GRAMD1C: variants seen among roughly 807,000 people sequenced by gnomAD.
GRAMD1C encodes the protein GRAM domain containing 1C.
Under a neutral mutation model 97.8 loss-of-function variants are expected in GRAMD1C, and 89 were observed. That is an observed-to-expected ratio of 0.91 (90% CI 0.77 to 1.09). GRAMD1C has a LOEUF of 1.09. Ranked by LOEUF, GRAMD1C falls within the 50% of genes least tolerant of loss-of-function variation. The probability of loss-of-function intolerance (pLI) is 0.00; values close to 1 mark genes in which losing one functional copy is unlikely to be tolerated. For synonymous variants in GRAMD1C, 256 were observed against 267.0 expected, an observed-to-expected ratio of 0.96 and a Z score of 0.40; for missense variants, 740 against 766.4, an observed-to-expected ratio of 0.97 and a Z score of 0.41.
At chr3:113,841,161 C>T (rs1036698554) in intron 1 of GRAMD1C, among the ~76,000 whole-genome samples, 55 of 151,926 alleles carry the variant, frequency 3.6e-4, no homozygotes, top group Admixed American at 3.5e-3. Flanking sequence ...ATGACATCAT[C>T]GAGGATGCAG....
At chr3:113,942,529 C>G (rs1338057144) in intron 17 of GRAMD1C, among the ~76,000 whole-genome samples, 1 of 152,150 alleles carries the variant, frequency 6.6e-6, no homozygotes, top group Non-Finnish European at 1.5e-5. Context: ...ACAGAGAAGA[C>G]TCCTCCAGTC....
chr3:113,849,313 T>TA (rs1225457938), intron 2 of GRAMD1C, among the ~76,000 whole-genome samples: 6 of 151,018 alleles, frequency 4.0e-5, no homozygotes, highest in Non-Finnish European at 8.9e-5. Flanking sequence ...ATTTATTTTT[T>TA]ATTGATCATT....
upstream of GRAMD1C, among the ~76,000 whole-genome samples, chr3:113,837,448 T>C (rs965811756): frequency 3.3e-5 from 5 of 152,204 alleles, no homozygotes; most frequent in African/African-American, 4.8e-5. Flanking sequence ...TGCTTTTATA[T>C]ATTTTGGGCA....
chr3:113,916,987 T>C (rs991860604), intron 10 of GRAMD1C, among the ~76,000 whole-genome samples: 2 of 151,826 alleles, frequency 1.3e-5, no homozygotes, highest in African/African-American at 4.8e-5. Context: ...AATACAAAAA[T>C]TAGCTGGGCA....
intron 3 of GRAMD1C, among the ~76,000 whole-genome samples, chr3:113,870,385 A>C (rs902464911): frequency 6.6e-6 from 1 of 151,956 alleles, no homozygotes; most frequent in Admixed American, 6.6e-5. Context: ...CGCTCAAAAA[A>C]AAAAAGAGAG....
intron 10 of GRAMD1C, among the ~76,000 whole-genome samples, chr3:113,928,243 A>C (rs1937297016): frequency 6.6e-6 from 1 of 152,154 alleles, no homozygotes. Context: ...GTCAGTGTTC[A>C]TCAACCCTGT....
At chr3:113,839,489 A>G (rs1190412980) in intron 1 of GRAMD1C, among the ~76,000 whole-genome samples, 2 of 152,102 alleles carry the variant, frequency 1.3e-5, no homozygotes, top group Non-Finnish European at 2.9e-5. Flanking sequence ...CTCCTTCTAC[A>G]TTGGTTTGTG....
intron 6 of GRAMD1C, among the ~76,000 whole-genome samples, chr3:113,900,085 A>G (rs1936105226): frequency 6.6e-6 from 1 of 152,100 alleles, no homozygotes; most frequent in African/African-American, 2.4e-5. Flanking sequence ...GAGGCTAGGC[A>G]CCATGTCTCA....
In GRAMD1C at chr3:113,863,960, T is replaced by C. The variant is rs77390577; in HGVS notation, c.175-5547T>C. On this transcript the variant is annotated intron_variant, in intron 2 of 17. Coordinates refer to ENST00000358160, the MANE Select transcript of GRAMD1C (RefSeq NM_017577.5). ...CTCTCCTGAAAATGCTCTTTCATGCTCTACCACATGGTCAGGCTGTGAATT... is the reference window on the plus strand; with the variant it reads ...CTCTCCTGAAAATGCTCTTTCATGCCCTACCACATGGTCAGGCTGTGAATT... Among the ~76,000 whole-genome samples the C allele has an allele frequency of 1.3e-3, 196 of 152,350 alleles. 6 individuals carry two copies. In the East Asian group the frequency reaches 0.031, roughly 24 times the overall value.
At chr3:113,940,090 T>G in intron 16 of GRAMD1C, 94 bp downstream of exon 16, 2 of 885,802 alleles carry the variant, frequency 2.3e-6, no homozygotes, top group African/African-American at 1.6e-5. Flanking sequence ...GACTGTGGTC[T>G]GCTAACTATC....
At chr3:113,940,837 A>C (rs952941139) in intron 17 of GRAMD1C, among the ~76,000 whole-genome samples, 1 of 152,220 alleles carries the variant, frequency 6.6e-6, no homozygotes, top group African/African-American at 2.4e-5. Flanking sequence ...TACCATAATT[A>C]TCTTACTAGT....
At chr3:113,837,533 A>G (rs1317482971), upstream of GRAMD1C, among the ~76,000 whole-genome samples, 2 of 152,158 alleles carry the variant, frequency 1.3e-5, no homozygotes, top group Non-Finnish European at 2.9e-5. Context: ...CCAAGGCGAG[A>G]AGGAGGAACT....
intron 10 of GRAMD1C, among the ~76,000 whole-genome samples, chr3:113,927,116 C>T (rs1435596543): frequency 6.6e-6 from 1 of 151,492 alleles, no homozygotes; most frequent in African/African-American, 2.4e-5. Flanking sequence ...TGTATACTGG[C>T]AGAATATTTT....
At chr3:113,844,711 G>A in intron 2 of GRAMD1C, 62 bp downstream of exon 2, 1 of 1,174,482 alleles carries the variant, frequency 8.5e-7, no homozygotes, top group Non-Finnish European at 1.2e-6. Context: ...AAATCTGCAA[G>A]GAGTCATATA....
At chr3:113,914,239 T>C (rs1168231664) in intron 9 of GRAMD1C, among the ~76,000 whole-genome samples, 1 of 152,236 alleles carries the variant, frequency 6.6e-6, no homozygotes, top group Non-Finnish European at 1.5e-5. Context: ...TTGTGATTCA[T>C]TTCTACGCTG....
intron 9 of GRAMD1C, among the ~76,000 whole-genome samples, chr3:113,911,173 G>GACACACACACACACAC (rs60151773): frequency 0.11 from 15,725 of 147,348 alleles, 942 homozygotes; most frequent in Middle Eastern, 0.22. Context: ...CAGAGAGAGA[G>GACACACACACACACAC]ACACACACAC....
At chr3:113,850,377 C>T (rs1477479062) in intron 2 of GRAMD1C, 2 of 822,022 alleles carry the variant, frequency 2.4e-6, no homozygotes, top group Non-Finnish European at 4.3e-6. Flanking sequence ...TCGGCTTCCC[C>T]TTTTGTGAGT....
At chr3:113,874,610 G>A (rs1050214108) in intron 3 of GRAMD1C, among the ~76,000 whole-genome samples, 21 of 152,330 alleles carry the variant, frequency 1.4e-4, no homozygotes, top group African/African-American at 4.8e-4. Flanking sequence ...CTCCCAAAGT[G>A]TTGAGATTAC....
chr3:113,849,192 G>T (rs952523910), intron 2 of GRAMD1C, among the ~76,000 whole-genome samples: 7 of 152,062 alleles, frequency 4.6e-5, no homozygotes, highest in Admixed American at 4.6e-4. Context: ...TGTTCATTGT[G>T]TGTGTTCAGA....
Sources: allele counts gnomAD v4.1 joint callset (sites outside exome capture counted in the v4.1 genomes callset), GRCh38; gene constraint gnomAD v4.1.1; transcripts MANE v1.5; gene names NCBI Gene and HGNC (gene_info 2026-07-23, HGNC 2026-07-21).